Variants in GRIK2 observed in about 807,000 individuals in gnomAD.
GRIK2 encodes the protein glutamate ionotropic receptor kainate type subunit 2, also known as glutamate receptor ionotropic, kainate 2.
Under a neutral mutation model 100.3 loss-of-function variants are expected in GRIK2, and 32 were observed. The ratio of observed to expected loss-of-function variants is 0.32; its 90% CI spans 0.24 to 0.43. The LOEUF (loss-of-function observed/expected upper bound fraction) is 0.43. Among genes scored for constraint, GRIK2 ranks in the 20% least tolerant of loss-of-function variants. The pLI is 1.00. For missense variants in GRIK2, 843 were observed against 1,114.9 expected, an observed-to-expected ratio of 0.76 and a Z score of 3.47; for synonymous variants, 417 against 389.4, an observed-to-expected ratio of 1.07 and a Z score of -0.83.
intron 7 of GRIK2, among the ~76,000 whole-genome samples, chr6:101,719,138 GTTTTTTTTTTTTTTTTTT>G (rs60301711): frequency 8.9e-5 from 9 of 101,148 alleles, no homozygotes; most frequent in African/African-American, 3.5e-4. Flanking sequence ...GGCTGCAAGG[GTTTTTTTTTTTTTTTTTT>G]TTTTTTTTTT....
intron 2 of GRIK2, among the ~76,000 whole-genome samples, chr6:101,559,530 C>A (rs1219233725): frequency 6.6e-6 from 1 of 152,080 alleles, no homozygotes; most frequent in Non-Finnish European, 1.5e-5. Flanking sequence ...TTATATGTGA[C>A]AGATTTATTT....
intron 7 of GRIK2, among the ~76,000 whole-genome samples, chr6:101,772,023 T>C (rs1280144130): frequency 6.6e-6 from 1 of 152,156 alleles, no homozygotes; most frequent in Non-Finnish European, 1.5e-5. Context: ...TAGTTATCTT[T>C]CTTTTAAAGT....
At chr6:101,631,683 A>G (rs1780750672) in intron 4 of GRIK2, among the ~76,000 whole-genome samples, 1 of 151,976 alleles carries the variant, frequency 6.6e-6, no homozygotes, top group South Asian at 2.1e-4. Context: ...GCTCGACAAC[A>G]ATCGGTTGTC....
chr6:101,980,446 CA>C (rs1243969663), intron 14 of GRIK2, among the ~76,000 whole-genome samples: 1 of 151,790 alleles, frequency 6.6e-6, no homozygotes, highest in African/African-American at 2.4e-5. Flanking sequence ...ATTTGAAAAG[CA>C]GGGGAGGAAT....
At chr6:101,914,625 C>T (rs1480802871) in intron 12 of GRIK2, among the ~76,000 whole-genome samples, 1 of 151,348 alleles carries the variant, frequency 6.6e-6, no homozygotes, top group Non-Finnish European at 1.5e-5. Flanking sequence ...GTGTTGCCCC[C>T]CCACCACACC....
intron 2 of GRIK2, among the ~76,000 whole-genome samples, chr6:101,581,169 T>C (rs1265651837): frequency 1.2e-5 from 1 of 84,950 alleles, no homozygotes; most frequent in Non-Finnish European, 2.5e-5. Context: ...TATATATACA[T>C]ATATATATAT....
intron 11 of GRIK2, among the ~76,000 whole-genome samples, chr6:101,888,082 G>C (rs745557619): frequency 1.3e-5 from 2 of 152,126 alleles, no homozygotes; most frequent in African/African-American, 4.8e-5. Context: ...GATTCTGAAA[G>C]ACTGTAATCT....
intron 2 of GRIK2, among the ~76,000 whole-genome samples, chr6:101,529,498 G>A (rs1331726737): frequency 1.3e-5 from 2 of 151,778 alleles, no homozygotes; most frequent in East Asian, 3.9e-4. Context: ...ATTTATTTGA[G>A]CATTTACAAA....
At chr6:101,501,842 C>T (rs1451405100) in intron 2 of GRIK2, among the ~76,000 whole-genome samples, 1 of 152,138 alleles carries the variant, frequency 6.6e-6, no homozygotes, top group Non-Finnish European at 1.5e-5. Flanking sequence ...ACTGCAACCT[C>T]CGTCTCCTGG....
At chr6:102,036,258 C>CATATATAT (rs1321881420) in intron 15 of GRIK2, among the ~76,000 whole-genome samples, 1 of 150,350 alleles carries the variant, frequency 6.7e-6, no homozygotes, top group African/African-American at 2.5e-5. Context: ...CACACACACA[C>CATATATAT]ACATATATAT....
intron 2 of GRIK2, among the ~76,000 whole-genome samples, chr6:101,507,147 C>T (rs1774065451): frequency 6.6e-6 from 1 of 152,034 alleles, no homozygotes; most frequent in Non-Finnish European, 1.5e-5. Context: ...TCATACACTC[C>T]TCATAGAACC....
intron 10 of GRIK2, among the ~76,000 whole-genome samples, chr6:101,855,832 C>A (rs911607860): frequency 1.4e-5 from 2 of 147,102 alleles, no homozygotes; most frequent in Admixed American, 6.8e-5. Context: ...TGAGGGGGGG[C>A]AGAAATGGAA....
intron 10 of GRIK2, among the ~76,000 whole-genome samples, chr6:101,850,094 A>G (rs1371862046): frequency 1.3e-5 from 2 of 152,032 alleles, no homozygotes; most frequent in African/African-American, 2.4e-5. Context: ...AACAAGACAC[A>G]TGTCCCTGTT....
chr6:101,416,012 C>G (rs1205743965), intron 2 of GRIK2, among the ~76,000 whole-genome samples: 1 of 152,140 alleles, frequency 6.6e-6, no homozygotes, highest in Non-Finnish European at 1.5e-5. Flanking sequence ...ATCAATCAAT[C>G]ATTTAATTAA....
chr6:101,714,447 G>C (rs1773925137), intron 7 of GRIK2, among the ~76,000 whole-genome samples: 1 of 148,310 alleles, frequency 6.7e-6, no homozygotes, highest in South Asian at 2.2e-4. Flanking sequence ...GGATTATTCA[G>C]TTACCACTTT....
intron 12 of GRIK2, among the ~76,000 whole-genome samples, chr6:101,892,426 G>C (rs1192393756): frequency 6.6e-6 from 1 of 151,984 alleles, no homozygotes; most frequent in Non-Finnish European, 1.5e-5. Context: ...ATCATAGACA[G>C]CATCTGTATA....
rs180917586 is a variant in GRIK2 at position 101,985,462 on chromosome 6, G to A, written c.2086-49879G>A. On this transcript the variant is annotated intron_variant, in intron 14 of 16. Coordinates refer to ENST00000369134, the MANE Select transcript of GRIK2 (RefSeq NM_021956.5). ...TTTTGGCATCCTTCTTGAATATAGG[G>A]TATAAAGTCTCCTTTTGATTTGAAG... Among the ~76,000 whole-genome samples, 287 of 151,742 alleles carry A rather than the reference G, an allele frequency of 1.9e-3. 1 individual carries two copies. Among genetic ancestry groups the A allele is most frequent in the Non-Finnish European group, 1.3e-3 (91 of 67,772 alleles).
chr6:101,778,435 T>G (rs1263508794), intron 7 of GRIK2, among the ~76,000 whole-genome samples: 3 of 152,162 alleles, frequency 2.0e-5, no homozygotes, highest in Non-Finnish European at 2.9e-5. Context: ...GCATTCAACA[T>G]TGAAAGCATT....
chr6:101,926,853 G>A (rs1789936759), intron 13 of GRIK2, among the ~76,000 whole-genome samples: 1 of 152,092 alleles, frequency 6.6e-6, no homozygotes, highest in Non-Finnish European at 1.5e-5. Context: ...ATGAACTTGT[G>A]GTAATTGGGC....
Sources: allele counts gnomAD v4.1 joint callset (sites outside exome capture counted in the v4.1 genomes callset), GRCh38; gene constraint gnomAD v4.1.1; transcripts MANE v1.5; gene names NCBI Gene and HGNC (gene_info 2026-07-23, HGNC 2026-07-21).